CNTN5: variants seen among roughly 807,000 people sequenced by gnomAD.
The protein encoded by CNTN5 is contactin-5.
CNTN5 carries 77 observed loss-of-function variants against 129.1 expected under a neutral mutation model. That is an observed-to-expected ratio of 0.60 (90% CI 0.50 to 0.72). The LOEUF (loss-of-function observed/expected upper bound fraction) is 0.72, where lower values mean the gene tolerates loss of function less well. CNTN5 is among the 30% of genes least tolerant of loss of function. CNTN5 has a pLI of 0.00. For synonymous variants in CNTN5, 509 were observed against 465.6 expected (o/e 1.09, Z -1.20); for missense variants, 1,478 against 1,328.8 (o/e 1.11, Z -1.75).
At chr11:99,350,056 TC>T (rs1301925050) in intron 2 of CNTN5, among the ~76,000 whole-genome samples, 1 of 152,098 alleles carries the variant, frequency 6.6e-6, no homozygotes, top group Non-Finnish European at 1.5e-5. Flanking sequence ...CCAACTAAAG[TC>T]CCTTTTAATG....
At chr11:99,376,740 G>A (rs1400107493) in intron 2 of CNTN5, among the ~76,000 whole-genome samples, 1 of 152,152 alleles carries the variant, frequency 6.6e-6, no homozygotes, top group Admixed American at 6.5e-5. Flanking sequence ...GTACTGAACT[G>A]AGATTGATGC....
intron 6 of CNTN5, among the ~76,000 whole-genome samples, chr11:99,877,493 T>C (rs1438296530): frequency 6.6e-6 from 1 of 152,218 alleles, no homozygotes; most frequent in Non-Finnish European, 1.5e-5. Flanking sequence ...GATAAGTCTC[T>C]TTCTATGGAT....
intron 1 of CNTN5, among the ~76,000 whole-genome samples, chr11:99,278,665 G>A (rs2447136): frequency 0.014 from 2,093 of 151,596 alleles, 48 homozygotes; most frequent in African/African-American, 0.047. Context: ...ATTGCTATCC[G>A]CACTTTACCA....
chr11:99,596,193 A>C (rs1191779628), intron 3 of CNTN5, among the ~76,000 whole-genome samples: 4 of 152,140 alleles, frequency 2.6e-5, no homozygotes, highest in African/African-American at 9.7e-5. Flanking sequence ...GACTTTGCTA[A>C]AAATTACAGA....
intron 1 of CNTN5, among the ~76,000 whole-genome samples, chr11:99,216,856 T>A (rs1438461965): frequency 1.3e-5 from 2 of 151,632 alleles, no homozygotes; most frequent in Admixed American, 1.3e-4. Flanking sequence ...AGGGAGAAAA[T>A]ATTTACAAAC....
intron 21 of CNTN5, chr11:100,308,939 A>T (rs2138923471): frequency 2.0e-6 from 2 of 984,690 alleles, no homozygotes; most frequent in South Asian, 9.4e-5. Context: ...GGTCCCTTAA[A>T]TGTTGCTATT....
rs913970683 is a variant in CNTN5, at chr11:100,091,050, G to A, written c.1580+16756G>A. ...GAATAAAATTACAACTCCCTTCTAC[G>A]ACACATGAGACTCTGCATGAGCTAA... is the stretch of plus-strand genomic sequence containing the variant. On this transcript the variant is annotated intron_variant, in intron 13 of 24. Coordinates refer to ENST00000524871, the MANE Select transcript of CNTN5 (RefSeq NM_014361.4). Among the ~76,000 whole-genome samples the A allele has an allele frequency of 1.8e-4, 27 of 152,110 alleles. No homozygotes were observed. The East Asian group carries it at 3.1e-3, about 17-fold the overall frequency.
chr11:99,677,598 G>A (rs2134690526), intron 3 of CNTN5, among the ~76,000 whole-genome samples: 1 of 152,200 alleles, frequency 6.6e-6, no homozygotes, highest in Non-Finnish European at 1.5e-5. Flanking sequence ...TCACTCTGAA[G>A]CTATTATTCA....
chr11:99,048,873 C>T (rs751905406), intron 1 of CNTN5, among the ~76,000 whole-genome samples: 16 of 152,144 alleles, frequency 1.1e-4, no homozygotes, highest in Non-Finnish European at 2.4e-4. Flanking sequence ...AATGGCTTCG[C>T]CTTCAATTTT....
intron 18 of CNTN5, among the ~76,000 whole-genome samples, chr11:100,280,003 GTGA>G (rs969499899): frequency 1.4e-4 from 21 of 147,422 alleles, no homozygotes; most frequent in African/African-American, 4.3e-4. Context: ...TTGGTATGCT[GTGA>G]TTCCATTATC....
At chr11:99,480,623 CT>C (rs1168097911) in intron 2 of CNTN5, among the ~76,000 whole-genome samples, 1 of 152,154 alleles carries the variant, frequency 6.6e-6, no homozygotes, top group Non-Finnish European at 1.5e-5. Flanking sequence ...ACAATCTTTG[CT>C]TTACAACCTG....
At chr11:99,470,953 A>G (rs1375312093) in intron 2 of CNTN5, among the ~76,000 whole-genome samples, 3 of 152,108 alleles carry the variant, frequency 2.0e-5, no homozygotes, top group Non-Finnish European at 4.4e-5. Flanking sequence ...GTAAGTCTTC[A>G]TTAGTCAAGG....
At chr11:100,126,278 A>T (rs962466154) in intron 13 of CNTN5, among the ~76,000 whole-genome samples, 29 of 152,098 alleles carry the variant, frequency 1.9e-4, no homozygotes, top group Non-Finnish European at 3.1e-4. Context: ...ATGTTGATAG[A>T]TGGAGTATTC....
chr11:100,096,116 T>A (rs1456225912), intron 13 of CNTN5, among the ~76,000 whole-genome samples: 1 of 152,086 alleles, frequency 6.6e-6, no homozygotes, highest in Non-Finnish European at 1.5e-5. Flanking sequence ...AGTGTTTTAC[T>A]GGCACCAAAT....
chr11:99,076,266 T>C (rs185350562), intron 1 of CNTN5, among the ~76,000 whole-genome samples: 1 of 151,972 alleles, frequency 6.6e-6, no homozygotes, highest in African/African-American at 2.4e-5. Context: ...ACCTGGGAGC[T>C]AGAGGCTGCA....
At chr11:99,287,443 C>T (rs1863985158) in intron 1 of CNTN5, among the ~76,000 whole-genome samples, 1 of 152,046 alleles carries the variant, frequency 6.6e-6, no homozygotes, top group African/African-American at 2.4e-5. Context: ...ATTATTCAAA[C>T]ATCCTTCTCT....
At chr11:100,306,157 C>T (rs1466715568) in intron 20 of CNTN5, among the ~76,000 whole-genome samples, 1 of 151,486 alleles carries the variant, frequency 6.6e-6, no homozygotes, top group African/African-American at 2.4e-5. Flanking sequence ...TGCAGCTCCC[C>T]AAAATGCAAA....
chr11:100,283,346 T>A (rs1026215643), intron 18 of CNTN5, among the ~76,000 whole-genome samples: 1 of 152,044 alleles, frequency 6.6e-6, no homozygotes, highest in African/African-American at 2.4e-5. Context: ...TCTCCTAAAG[T>A]GGGAGGAAGG....
chr11:99,397,031 T>C (rs12293927), intron 2 of CNTN5, among the ~76,000 whole-genome samples: 17,330 of 151,724 alleles, frequency 0.11, 1,829 homozygotes, highest in African/African-American at 0.28. Flanking sequence ...TAAAATCTAA[T>C]AGATAGGAAG....
Sources: allele counts gnomAD v4.1 joint callset (sites outside exome capture counted in the v4.1 genomes callset), GRCh38; gene constraint gnomAD v4.1.1; transcripts MANE v1.5; gene names NCBI Gene and HGNC (gene_info 2026-07-23, HGNC 2026-07-21).